The following ALMS1 variants were observed in gnomAD, a reference collection of about 807,000 sequenced individuals.
The protein encoded by ALMS1 is ALMS1 centrosome and basal body associated protein, also known as centrosome-associated protein ALMS1.
A neutral mutation model predicts 352.2 loss-of-function variants in ALMS1; 271 were observed. That is an observed-to-expected ratio of 0.77 (90% CI 0.70 to 0.85). The LOEUF (loss-of-function observed/expected upper bound fraction) is 0.85, where lower values mean the gene tolerates loss of function less well. Among genes scored for constraint, ALMS1 ranks in the 40% least tolerant of loss-of-function variants. The probability of loss-of-function intolerance (pLI) is 0.00; values close to 1 mark genes in which losing one functional copy is unlikely to be tolerated. For missense variants in ALMS1, 5,445 were observed against 4,870.7 expected (o/e 1.12, Z -3.51); for synonymous variants, 1,865 against 1,761.2 (o/e 1.06, Z -1.48).
At chr2:73,577,842 A>T (rs539930412) in intron 16 of ALMS1, among the ~76,000 whole-genome samples, 1 of 152,156 alleles carries the variant, frequency 6.6e-6, no homozygotes, top group Non-Finnish European at 1.5e-5. Context: ...TGCATTTAAG[A>T]CGAATGTGTA....
intron 1 of ALMS1, among the ~76,000 whole-genome samples, chr2:73,388,477 C>T (rs573045837): frequency 1.1e-4 from 17 of 152,248 alleles, no homozygotes; most frequent in East Asian, 7.7e-4. Flanking sequence ...TTATTTCCAT[C>T]TTTATGTCTG....
At chr2:73,573,756 T>G (rs1409607641) in intron 16 of ALMS1, among the ~76,000 whole-genome samples, 1 of 43,886 alleles carries the variant, frequency 2.3e-5, no homozygotes, top group African/African-American at 5.7e-4. Context: ...TTATTTGGGT[T>G]TTTTTTTTTT....
intron 11 of ALMS1, among the ~76,000 whole-genome samples, chr2:73,528,991 A>C (rs1673851938): frequency 1.4e-5 from 2 of 145,098 alleles, no homozygotes; most frequent in Admixed American, 6.9e-5. Context: ...TAGGATTCTG[A>C]GTTCTTTCTC....
intron 9 of ALMS1, among the ~76,000 whole-genome samples, chr2:73,477,740 T>C (rs1389101062): frequency 6.6e-6 from 1 of 152,202 alleles, no homozygotes; most frequent in Non-Finnish European, 1.5e-5. Context: ...CTGTTGTAAA[T>C]TGAATTTTTT....
At chr2:73,402,270 CT>C (rs61360284) in intron 1 of ALMS1, among the ~76,000 whole-genome samples, 3,207 of 122,808 alleles carry the variant, frequency 0.026, 122 homozygotes, top group African/African-American at 0.084. Context: ...TTCTCTCTCT[CT>C]TTTTTTTTTT....
intron 9 of ALMS1, among the ~76,000 whole-genome samples, chr2:73,471,224 CT>C (rs60728783): frequency 0.079 from 11,234 of 141,866 alleles, 540 homozygotes; most frequent in African/African-American, 0.14. Context: ...TTGATCCTTC[CT>C]TTTTTTTTTT....
At chr2:73,456,787 C>G (rs1672075644) in intron 9 of ALMS1, 1 of 152,096 alleles carries the variant, frequency 6.6e-6, no homozygotes, top group Admixed American at 6.5e-5. Context: ...GTCTTAGCAC[C>G]ATTTGTATAT....
At chr2:73,543,429 G>A (rs1674237926) in intron 12 of ALMS1, among the ~76,000 whole-genome samples, 1 of 152,098 alleles carries the variant, frequency 6.6e-6, no homozygotes. Flanking sequence ...GAAAACCTAG[G>A]CAATACCATT....
chr2:73,440,935 G>A (rs1572926227), intron 7 of ALMS1, among the ~76,000 whole-genome samples: 1 of 152,146 alleles, frequency 6.6e-6, no homozygotes, highest in South Asian at 2.1e-4. Context: ...TAGTTTTCAG[G>A]GGAGTTGCAT....
At chr2:73,499,625 C>T (rs1246030404) in intron 10 of ALMS1, among the ~76,000 whole-genome samples, 1 of 152,142 alleles carries the variant, frequency 6.6e-6, no homozygotes, top group Non-Finnish European at 1.5e-5. Context: ...TCAGGGAATT[C>T]TGATATCTCT....
At chr2:73,541,875 G>A (rs187100865) in intron 12 of ALMS1, among the ~76,000 whole-genome samples, 78 of 152,170 alleles carry the variant, frequency 5.1e-4, no homozygotes, top group African/African-American at 1.7e-3. Context: ...GGCAATAATC[G>A]ATAGCTTACC....
At chr2:73,556,447 T>G (rs558097796) in intron 13 of ALMS1, among the ~76,000 whole-genome samples, 1 of 152,280 alleles carries the variant, frequency 6.6e-6, no homozygotes, top group South Asian at 2.1e-4. Flanking sequence ...AGGCTATAAC[T>G]GCATGAAATT....
intron 7 of ALMS1, among the ~76,000 whole-genome samples, chr2:73,437,615 T>C (rs1414755037): frequency 6.6e-6 from 1 of 152,254 alleles, no homozygotes; most frequent in Non-Finnish European, 1.5e-5. Context: ...AGTTGTACCA[T>C]TTTAATTATT....
At chr2:73,553,715 T>C (rs1674486683) in intron 13 of ALMS1, among the ~76,000 whole-genome samples, 1 of 152,166 alleles carries the variant, frequency 6.6e-6, no homozygotes. Flanking sequence ...CTCAGACCAT[T>C]ATTTATGTGA....
chr2:73,447,048 G>A (rs1671823015), intron 7 of ALMS1, among the ~76,000 whole-genome samples: 1 of 68,904 alleles, frequency 1.5e-5, no homozygotes, highest in African/African-American at 5.9e-5. Context: ...TGTGAGGTAG[G>A]GATTATTGTC....
chr2:73,416,909 G>A (rs1671191446), intron 2 of ALMS1, among the ~76,000 whole-genome samples: 1 of 152,096 alleles, frequency 6.6e-6, no homozygotes, highest in Admixed American at 6.5e-5. Context: ...ACCAGCCTGG[G>A]CAACATAGTG....
intron 7 of ALMS1, among the ~76,000 whole-genome samples, chr2:73,437,587 G>A (rs6546835): frequency 0.38 from 58,011 of 151,856 alleles, 15,399 homozygotes; most frequent in African/African-American, 0.76. Context: ...TTTATGGATC[G>A]TATCTACTGA....
In ALMS1 at chr2:73,519,855, A is replaced by G; in HGVS notation, c.9620A>G (p.Glu3207Gly). 3.7e-6 allele frequency: 6 copies of G among 1,614,102 alleles called. No individual in the cohort carries two copies. The highest frequency in any genetic ancestry group is 5.1e-6 in the Non-Finnish European group (6 of 1,179,972). Residue 3207 changes from glutamate to glycine, a missense_variant, in exon 11 of 23, where the codon GAA becomes GGA. Coordinates refer to ENST00000613296, the MANE Select transcript of ALMS1 (RefSeq NM_001378454.1). ...SSDAVTQITTESPEKTLFSSE... is the reference protein window; with the variant it reads ...SSDAVTQITTGSPEKTLFSSE... ...GATGCAGTCACTCAGATAACAACAG[A>G]AAGTCCAGAAAAGACCCTATTTTCA...
intron 16 of ALMS1, among the ~76,000 whole-genome samples, chr2:73,583,085 C>A (rs1257920370): frequency 6.6e-6 from 1 of 151,058 alleles, no homozygotes; most frequent in East Asian, 1.9e-4. Context: ...TGAGGTAATA[C>A]TGTTTTGATT....
Sources: allele counts gnomAD v4.1 joint callset (sites outside exome capture counted in the v4.1 genomes callset), GRCh38; gene constraint gnomAD v4.1.1; transcripts MANE v1.5; gene names NCBI Gene and HGNC (gene_info 2026-07-23, HGNC 2026-07-21).